Variants in ABL2 observed in about 807,000 individuals in gnomAD.
ABL2 encodes the protein tyrosine-protein kinase ABL2.
In ABL2, 49 loss-of-function variants were observed where a neutral mutation model predicts 107.7. The ratio of observed to expected loss-of-function variants is 0.45; its 90% CI spans 0.36 to 0.58. The LOEUF (loss-of-function observed/expected upper bound fraction) is 0.58, where lower values mean the gene tolerates loss of function less well. Among genes scored for constraint, ABL2 ranks in the 20% least tolerant of loss-of-function variants. The probability of loss-of-function intolerance (pLI) is 0.00; values close to 1 mark genes in which losing one functional copy is unlikely to be tolerated. For missense variants in ABL2, 1,245 were observed against 1,457.0 expected (o/e 0.85, Z 2.37); for synonymous variants, 549 against 548.6 (o/e 1.00, Z -0.01).
At chr1:179,116,829 C>CTT in intron 8 of ABL2, 8 of 146,000 alleles carry the variant, frequency 5.5e-5, no homozygotes, top group South Asian at 4.1e-4. Context: ...CTTCTTTATA[C>CTT]TTTTTTTTTT....
chr1:179,136,435 T>C (rs998692255), intron 1 of ABL2, among the ~76,000 whole-genome samples: 2 of 152,182 alleles, frequency 1.3e-5, no homozygotes, highest in African/African-American at 4.8e-5. Flanking sequence ...CCCTGAAACA[T>C]GTGCTGCATC....
intron 1 of ABL2, among the ~76,000 whole-genome samples, chr1:179,166,793 A>AT (rs1659413644): frequency 6.6e-6 from 1 of 151,660 alleles, no homozygotes. Context: ...AAAAAAAAAA[A>AT]AGAAAAAATG....
intron 1 of ABL2, among the ~76,000 whole-genome samples, chr1:179,173,658 T>G (rs1571247669): frequency 1.3e-5 from 2 of 152,248 alleles, no homozygotes; most frequent in East Asian, 3.9e-4. Context: ...CCAGAAAGGC[T>G]TTTAATAGGT....
intron 1 of ABL2, among the ~76,000 whole-genome samples, chr1:179,133,652 T>C (rs775067529): frequency 1.3e-5 from 2 of 152,206 alleles, no homozygotes; most frequent in Non-Finnish European, 2.9e-5. Context: ...CTACTTGTAA[T>C]ACTCAGCTCC....
At chr1:179,128,642 A>C (rs981795569) in intron 3 of ABL2, among the ~76,000 whole-genome samples, 2 of 152,142 alleles carry the variant, frequency 1.3e-5, no homozygotes, top group Non-Finnish European at 2.9e-5. Flanking sequence ...GATGACTAGT[A>C]TGGATTCAAA....
chr1:179,166,689 A>G (rs1266415463), intron 1 of ABL2, among the ~76,000 whole-genome samples: 7 of 151,380 alleles, frequency 4.6e-5, no homozygotes, highest in Non-Finnish European at 2.9e-5. Flanking sequence ...AGGGAGGAGA[A>G]TCGCTTGAAC....
At chr1:179,218,699 A>G (rs1571341007) in intron 1 of ABL2, among the ~76,000 whole-genome samples, 1 of 152,302 alleles carries the variant, frequency 6.6e-6, no homozygotes. Flanking sequence ...CACCAGGCCA[A>G]GTACTCTTCT....
chr1:179,194,676 C>G (rs1233242892), intron 1 of ABL2, among the ~76,000 whole-genome samples: 3 of 152,150 alleles, frequency 2.0e-5, no homozygotes, highest in African/African-American at 7.2e-5. Flanking sequence ...GAGCTAGAAC[C>G]ACCCAGCTAA....
chr1:179,105,743 A>C lies in ABL2; in HGVS notation c.*1975T>G, dbSNP rs1333544141. On this transcript the variant is annotated 3_prime_UTR_variant, in exon 12 of 12. Coordinates refer to ENST00000502732, the MANE Select transcript of ABL2 (RefSeq NM_007314.4). ...CAAGGTTTCCTTTCTTTCCAATGAA[A>C]ACTCAATTTTGTTCTTGGTCAAAAA... 4.4e-6 allele frequency: 1 copy of C among 226,212 alleles called. No individual in the cohort carries two copies. The highest frequency in any genetic ancestry group is 5.7e-5 in the Admixed American group (1 of 17,518). The allele number at this position is 226,212 out of a possible 1,614,324, so 14.0% of individuals were successfully genotyped here. A position where few individuals can be genotyped will look rare whatever the true frequency, so the allele number is the denominator to read the frequency against.
chr1:179,107,594 G>A lies in ABL2; in HGVS notation c.*124C>T. 1 of 1,484,422 alleles carries A rather than the reference G, an allele frequency of 6.7e-7. No homozygotes were observed. Among genetic ancestry groups the A allele is most frequent in the East Asian group, 2.3e-5 (1 of 43,484 alleles). 92.0% of individuals were successfully genotyped at this position (1,484,422 alleles called of 1,614,324 possible). The stretch of plus-strand genomic sequence containing the variant: ...TAAACGTGAGAACTCAGGGATCTGA[G>A]GTACTTCACATAAACACACTCAAGT... On this transcript the variant is annotated 3_prime_UTR_variant, in exon 12 of 12. Transcript: ENST00000502732.
At chr1:179,222,917 T>C (rs910256225) in intron 1 of ABL2, among the ~76,000 whole-genome samples, 7 of 151,236 alleles carry the variant, frequency 4.6e-5, no homozygotes, top group African/African-American at 1.2e-4. Context: ...TCGAGACAAG[T>C]GTGACCAACA....
At position 179,113,485 on chromosome 1, in the gene ABL2, C is replaced by T. The variant is rs77052984; in HGVS notation, c.1562-1087G>A. 2.2e-3 allele frequency among the ~76,000 whole-genome samples: 339 copies of T among 152,312 alleles called. 1 individual carries two copies. The highest frequency in any genetic ancestry group is 4.1e-3 in the Non-Finnish European group (276 of 68,030). On this transcript the variant is annotated intron_variant, in intron 9 of 11. Transcript: ENST00000502732. ...ACGTCAATGTTCAATGAGGAAACAA[C>T]ACAGACTTATGTTCAAACACAACTG...
At chr1:179,145,642 G>A (rs994678793) in intron 1 of ABL2, among the ~76,000 whole-genome samples, 1 of 152,182 alleles carries the variant, frequency 6.6e-6, no homozygotes, top group African/African-American at 2.4e-5. Flanking sequence ...GCAAAGATGA[G>A]GAGGAGCGGG....
intron 1 of ABL2, among the ~76,000 whole-genome samples, chr1:179,213,581 G>T (rs1181308513): frequency 6.6e-6 from 1 of 152,136 alleles, no homozygotes; most frequent in Non-Finnish European, 1.5e-5. Context: ...GATTACAGGT[G>T]TGAGCCACCA....
chr1:179,107,617 A>T lies in ABL2; in HGVS notation c.*101T>A. On this transcript the variant is annotated 3_prime_UTR_variant, in exon 12 of 12. Coordinates refer to ENST00000502732, the MANE Select transcript of ABL2 (RefSeq NM_007314.4). ...GAGGTACTTCACATAAACACACTCA[A>T]GTATGAGTCTTTCATTTTCTGAAAA... 1 of 1,512,118 alleles carries T rather than the reference A, an allele frequency of 6.6e-7. No homozygotes were observed. Among genetic ancestry groups the T allele is most frequent in the Non-Finnish European group, 8.8e-7 (1 of 1,133,526 alleles). The allele number at this position is 1,512,118 out of a possible 1,614,324, so 93.7% of individuals were successfully genotyped here.
chr1:179,211,545 A>G (rs1662276022), intron 1 of ABL2, among the ~76,000 whole-genome samples: 1 of 152,112 alleles, frequency 6.6e-6, no homozygotes, highest in Non-Finnish European at 1.5e-5. Flanking sequence ...TAAAATTTTT[A>G]TAAGTGCAAT....
chr1:179,122,815 G>C (rs1189426237), intron 4 of ABL2, among the ~76,000 whole-genome samples: 1 of 151,820 alleles, frequency 6.6e-6, no homozygotes, highest in African/African-American at 2.4e-5. Flanking sequence ...CATCACGCCT[G>C]GCTAATTTTT....
chr1:179,108,310 G>T lies in ABL2; in HGVS notation c.2957C>A (p.Pro986Gln), dbSNP rs2102574351. 1 of 1,614,190 alleles carries T rather than the reference G, an allele frequency of 6.2e-7. No homozygotes were observed. The highest frequency in any genetic ancestry group is 8.5e-7 in the Non-Finnish European group (1 of 1,180,030). Residue 986 changes from proline (P) to glutamine (Q), a missense_variant, in exon 12 of 12, where the codon CCA becomes CAA. Physicochemically the swap from Pro to Gln is moderately conservative, Grantham distance 76. This residue lies in a region of ABL2 where 761 missense variants were observed against 766.4 expected (regional missense o/e 0.99). Coordinates refer to ENST00000502732, the MANE Select transcript of ABL2 (RefSeq NM_007314.4). The stretch of plus-strand genomic sequence containing the variant: ...CTGCAGTAGTCTCATCACTGGTGGT[G>T]GGGGTGGGGCACACTTTGGTTTTAC... ...RRVKPKCAPP[P>Q]PPVMRLLQHP...
At chr1:179,214,078 T>G (rs766404880) in intron 1 of ABL2, among the ~76,000 whole-genome samples, 4 of 152,100 alleles carry the variant, frequency 2.6e-5, no homozygotes, top group African/African-American at 4.8e-5. Context: ...TTCCTATACA[T>G]TAGCAATAAG....
Sources: gnomAD v4.1 joint callset for allele counts (sites outside exome capture counted in the v4.1 genomes callset) on GRCh38, gnomAD v4.1.1 for gene constraint, gnomAD v4.1.1 regional missense constraint, MANE v1.5 for transcripts, NCBI Gene and HGNC (gene_info 2026-07-23, HGNC 2026-07-21) for gene names.